Variants in SPON1 observed in about 807,000 individuals in gnomAD.
SPON1 encodes spondin-1.
In SPON1, 52 loss-of-function variants were observed where a neutral mutation model predicts 111.7. The ratio of observed to expected loss-of-function variants is 0.47; its 90% confidence interval spans 0.37 to 0.59. The LOEUF is 0.59. Among genes scored for constraint, SPON1 ranks in the 20% least tolerant of loss-of-function variants. The pLI is 0.00. For missense variants in SPON1, 957 were observed against 1,068.5 expected (o/e 0.90, Z 1.46); for synonymous variants, 410 against 395.8 (o/e 1.04, Z -0.43).
chr11:14,241,235 A>C (rs1377831023), intron 6 of SPON1, among the ~76,000 whole-genome samples: 1 of 152,166 alleles, frequency 6.6e-6, no homozygotes, highest in Admixed American at 6.5e-5. Context: ...TGATGCTAAA[A>C]TTTTCCACAA....
At chr11:14,125,155 G>T (rs1554926887) in intron 5 of SPON1, among the ~76,000 whole-genome samples, 1 of 152,220 alleles carries the variant, frequency 6.6e-6, no homozygotes, top group Non-Finnish European at 1.5e-5. Flanking sequence ...CAGCACCCAG[G>T]CGCAAACCCG....
chr11:14,139,968 T>G (rs1847634670), intron 6 of SPON1, among the ~76,000 whole-genome samples: 1 of 152,114 alleles, frequency 6.6e-6, no homozygotes, highest in Non-Finnish European at 1.5e-5. Flanking sequence ...GACACAAGGA[T>G]AGTGAGGGGA....
At chr11:13,972,055 T>C (rs919601432) in intron 1 of SPON1, among the ~76,000 whole-genome samples, 2 of 152,240 alleles carry the variant, frequency 1.3e-5, no homozygotes, top group African/African-American at 4.8e-5. Flanking sequence ...TGTGAATAAA[T>C]AGCTGTCATG....
At position 14,267,503 on chromosome 11, in the gene SPON1, TCTAA is replaced by T. The variant is rs1253466641; in HGVS notation, c.*1819_*1822del. 9.2e-5 allele frequency: 14 copies of T among 152,336 alleles called. No homozygotes were observed. In the East Asian group the frequency reaches 9.7e-4, roughly 11 times the overall value. 9.4% of individuals were successfully genotyped at this position (152,336 alleles called of 1,614,324 possible). ...TTGCAATGTTGTTCTAAGCTATCTA[TCTAA>T]CTCTCAGCCCATGATAAAGTTCCTT... On this transcript the variant is annotated 3_prime_UTR_variant, in exon 16 of 16. Coordinates refer to ENST00000576479, the MANE Select transcript of SPON1 (RefSeq NM_006108.4).
At chr11:13,984,813 G>A (rs561195031) in intron 2 of SPON1, among the ~76,000 whole-genome samples, 2 of 152,312 alleles carry the variant, frequency 1.3e-5, no homozygotes, top group African/African-American at 4.8e-5. Context: ...CCTGCTCATA[G>A]TGGGCAGCGC....
intron 6 of SPON1, among the ~76,000 whole-genome samples, chr11:14,176,322 C>T (rs1554933079): frequency 1.3e-5 from 2 of 152,142 alleles, no homozygotes; most frequent in East Asian, 3.9e-4. Context: ...CCAAACTATC[C>T]TCCTATTCTC....
chr11:14,236,259 T>C (rs544649992), intron 6 of SPON1, among the ~76,000 whole-genome samples: 4 of 152,182 alleles, frequency 2.6e-5, no homozygotes, highest in African/African-American at 9.6e-5. Context: ...GGAAAGTGGT[T>C]GGATCATGAA....
At chr11:14,059,731 A>C (rs1848775973) in intron 3 of SPON1, among the ~76,000 whole-genome samples, 5 of 152,052 alleles carry the variant, frequency 3.3e-5, no homozygotes, top group Admixed American at 3.3e-4. Flanking sequence ...AGGGAAGAGC[A>C]AGTTCCCCCC....
At chr11:14,170,500 C>G (rs1554932334) in intron 6 of SPON1, among the ~76,000 whole-genome samples, 1 of 152,094 alleles carries the variant, frequency 6.6e-6, no homozygotes, top group Non-Finnish European at 1.5e-5. Context: ...CTTCTCCTGC[C>G]TGATTGCCCT....
At chr11:14,211,220 T>C (rs1554936694) in intron 6 of SPON1, among the ~76,000 whole-genome samples, 2 of 152,156 alleles carry the variant, frequency 1.3e-5, no homozygotes, top group Non-Finnish European at 2.9e-5. Context: ...TGATTGTGTA[T>C]TTAGAAAACC....
intron 6 of SPON1, among the ~76,000 whole-genome samples, chr11:14,194,953 G>A (rs1554934920): frequency 1.3e-5 from 2 of 152,104 alleles, no homozygotes; most frequent in Non-Finnish European, 1.5e-5. Flanking sequence ...ATGCTAGAGG[G>A]GGCAGTCTAC....
intron 4 of SPON1, among the ~76,000 whole-genome samples, chr11:14,079,693 C>CAT (rs150961927): frequency 0.42 from 62,557 of 150,618 alleles, 13,120 homozygotes; most frequent in East Asian, 0.52. Context: ...AAAAAGCTCT[C>CAT]TTTTTTTTTT....
chr11:14,162,157 CAAA>C (rs72139147), intron 6 of SPON1, among the ~76,000 whole-genome samples: 3 of 112,600 alleles, frequency 2.7e-5, no homozygotes, highest in Non-Finnish European at 1.9e-5. Flanking sequence ...GACTCTGTCT[CAAA>C]AAAAAAAAAA....
intron 6 of SPON1, among the ~76,000 whole-genome samples, chr11:14,204,388 C>T (rs1414681717): frequency 6.6e-6 from 1 of 152,132 alleles, no homozygotes; most frequent in African/African-American, 2.4e-5. Context: ...CTCAAGTGAT[C>T]CTCCTACCTC....
Position 14,265,752 on chromosome 11 carries a change from CTTGT to C in SPON1, c.*68_*71del, listed in dbSNP as rs372569111. ...GAGTCACCAATGGCTGGATTATTTG[CTTGT>C]TTAAGACAATTTAAATTGTGTACGC... On this transcript the variant is annotated 3_prime_UTR_variant, in exon 16 of 16. Transcript: ENST00000576479. The C allele has an allele frequency of 2.6e-4, 405 of 1,543,188 alleles. 6 individuals carry two copies. The South Asian group carries it at 2.8e-3, about 11-fold the overall frequency.
chr11:14,089,841 G>A lies in SPON1; in HGVS notation c.676+9820G>A, dbSNP rs571378371. On this transcript the variant is annotated intron_variant, in intron 5 of 15. Transcript: ENST00000576479. Reference sequence around the variant, plus strand: ...GGCCTGCCGCCTTTCTTTCAGAGACGCCCTGCCCTGTGAGGAGGAATCTAG... The same window carrying A: ...GGCCTGCCGCCTTTCTTTCAGAGACACCCTGCCCTGTGAGGAGGAATCTAG... Among the ~76,000 whole-genome samples, 5 of 152,266 alleles carry A rather than the reference G, an allele frequency of 3.3e-5. No individual in the cohort carries two copies. The East Asian group carries it at 5.8e-4, about 18-fold the overall frequency.
intron 2 of SPON1, among the ~76,000 whole-genome samples, chr11:14,007,131 A>T (rs992597014): frequency 9.2e-5 from 14 of 152,302 alleles, no homozygotes; most frequent in Middle Eastern, 3.4e-3. Flanking sequence ...ATCAGGCATT[A>T]GATTCTCATA....
chr11:14,016,904 C>T (rs10832159), intron 2 of SPON1, among the ~76,000 whole-genome samples: 45,267 of 152,118 alleles, frequency 0.3, 7,940 homozygotes, highest in South Asian at 0.5. Flanking sequence ...CCATGTGTTG[C>T]ACAGTAGCTG....
chr11:14,212,292 G>C (rs559674557), intron 6 of SPON1, among the ~76,000 whole-genome samples: 1 of 151,802 alleles, frequency 6.6e-6, no homozygotes, highest in Non-Finnish European at 1.5e-5. Context: ...TTGCTTTTTG[G>C]GGATATTCTG....
Sources: gnomAD v4.1 joint callset for allele counts (sites outside exome capture counted in the v4.1 genomes callset) on GRCh38, gnomAD v4.1.1 for gene constraint, MANE v1.5 for transcripts, NCBI Gene and HGNC (gene_info 2026-07-23, HGNC 2026-07-21) for gene names.